SGIP1: variants seen among roughly 807,000 people sequenced by gnomAD.
SGIP1 encodes the protein SH3GL interacting endocytic adaptor 1, also known as SH3-containing GRB2-like protein 3-interacting protein 1.
In SGIP1, 38 loss-of-function variants were observed where a neutral mutation model predicts 107.5. That is an observed-to-expected ratio of 0.35 (90% CI 0.27 to 0.46). The LOEUF (loss-of-function observed/expected upper bound fraction) is 0.46. Among genes scored for constraint, SGIP1 ranks in the 20% least tolerant of loss-of-function variants. SGIP1 has a pLI of 1.00. For synonymous variants in SGIP1, 365 were observed against 366.1 expected (o/e 1.00, Z 0.03); for missense variants, 929 against 1,019.5 (o/e 0.91, Z 1.21).
At chr1:66,591,919 A>G (rs2063702637) in intron 1 of SGIP1, among the ~76,000 whole-genome samples, 1 of 152,216 alleles carries the variant, frequency 6.6e-6, no homozygotes, top group African/African-American at 2.4e-5. Context: ...GACTTTACAC[A>G]AACATTTTAG....
At chr1:66,544,113 C>G (rs1187871691) in intron 1 of SGIP1, among the ~76,000 whole-genome samples, 1 of 152,164 alleles carries the variant, frequency 6.6e-6, no homozygotes, top group African/African-American at 2.4e-5. Context: ...CTCCTGAAGA[C>G]AGGCCTTACA....
intron 1 of SGIP1, among the ~76,000 whole-genome samples, chr1:66,620,429 G>A (rs978340479): frequency 1.3e-5 from 2 of 152,128 alleles, no homozygotes; most frequent in African/African-American, 4.8e-5. Context: ...AAAGAAAGGA[G>A]GTTTAATTGA....
At chr1:66,600,061 A>G (rs2065474717) in intron 1 of SGIP1, among the ~76,000 whole-genome samples, 1 of 152,190 alleles carries the variant, frequency 6.6e-6, no homozygotes, top group South Asian at 2.1e-4. Flanking sequence ...TGTAATGGGT[A>G]TTTAAAACAC....
chr1:66,639,737 A>C (rs1052829841), intron 4 of SGIP1, 40 bp from the exon 5 acceptor site: 31 of 1,500,744 alleles, frequency 2.1e-5, no homozygotes, highest in Non-Finnish European at 2.8e-5. Context: ...GTTTTTATTC[A>C]AATGTTTTCC....
At chr1:66,705,970 T>C (rs1430817794) in intron 18 of SGIP1, among the ~76,000 whole-genome samples, 2 of 152,092 alleles carry the variant, frequency 1.3e-5, no homozygotes, top group African/African-American at 2.4e-5. Context: ...CAAACCACCA[T>C]GGCACATGTT....
At chr1:66,587,895 T>C (rs999686107) in intron 1 of SGIP1, among the ~76,000 whole-genome samples, 3 of 152,262 alleles carry the variant, frequency 2.0e-5, no homozygotes, top group East Asian at 1.9e-4. Context: ...GTACTAAGTC[T>C]TCTCTCAATA....
chr1:66,545,044 A>G (rs1040686023), intron 1 of SGIP1, among the ~76,000 whole-genome samples: 1 of 152,132 alleles, frequency 6.6e-6, no homozygotes, highest in Admixed American at 6.5e-5. Context: ...TTTCCTAAAT[A>G]GCTCTTGACT....
At position 66,589,194 on chromosome 1, in the gene SGIP1, A is replaced by G. The variant is rs369705298; in HGVS notation, c.11-36653A>G. Reference sequence around the variant, plus strand: ...TATATATATATATATATATATATATATATATATATATATATATATATATGT... The same window carrying G: ...TATATATATATATATATATATATATGTATATATATATATATATATATATGT... On this transcript the variant is annotated intron_variant, in intron 1 of 24. Coordinates refer to ENST00000371037, the MANE Select transcript of SGIP1 (RefSeq NM_032291.4). 7.1e-3 allele frequency among the ~76,000 whole-genome samples: 471 copies of G among 66,462 alleles called. 23 individuals are homozygous for G. Among genetic ancestry groups the G allele is most frequent in the African/African-American group, 0.02 (389 of 19,220 alleles). 43.6% of individuals were successfully genotyped at this position (66,462 alleles called of 152,430 possible).
intron 1 of SGIP1, among the ~76,000 whole-genome samples, chr1:66,574,429 AACTCTTTGCCATGTTTTATTC>A (rs2060780814): frequency 6.6e-6 from 1 of 152,112 alleles, no homozygotes; most frequent in South Asian, 2.1e-4. Flanking sequence ...GCTTATCTCC[AACTCTTTGCCATGTTTTATTC>A]ATCACCTAGT....
rs1485870837 is a variant in SGIP1 at position 66,639,800 on chromosome 1, T to A, written c.195T>A (p.Asn65Lys). 6.2e-7 allele frequency: 1 copy of A among 1,612,180 alleles called. No individual in the cohort carries two copies. The highest frequency in any genetic ancestry group is 2.2e-5 in the East Asian group (1 of 44,754). ...KVSKKSNGAP[N>K]GFYAEIDWER... ...AGAAGAAAAGCAATGGGGCACCAAA[T>A]GGATTTTATGCGGAAATTGATTGGG... Residue 65 changes from asparagine to lysine, a missense_variant, in exon 5 of 25, where the codon AAT becomes AAA. Transcript: ENST00000371037.
rs142837790 is a variant in SGIP1 at position 66,730,129 on chromosome 1, G to A, written c.1898+710G>A. Among the ~76,000 whole-genome samples the A allele has an allele frequency of 4.9e-3, 740 of 152,200 alleles. 20 individuals are homozygous for A. The highest frequency in any genetic ancestry group is 0.044 in the Admixed American group (670 of 15,294). ...CTTTTTAAATCAATTGTGTGTGTAG[G>A]TGTGACTGTGCATGTGCATATGCAT... On this transcript the variant is annotated intron_variant, in intron 20 of 24. Coordinates refer to ENST00000371037, the MANE Select transcript of SGIP1 (RefSeq NM_032291.4).
rs1354907628 is a variant in SGIP1 at position 66,750,659 on chromosome 1, C to A, written c.*7564C>A. On this transcript the variant is annotated 3_prime_UTR_variant, in exon 25 of 25. Coordinates refer to ENST00000371037, the MANE Select transcript of SGIP1 (RefSeq NM_032291.4). The stretch of plus-strand genomic sequence containing the variant: ...GTTGATTCCCAGCCTTTTTCCTACA[C>A]GTCTATTTCAAAAGAGTATACTTTT... Among the ~76,000 whole-genome samples, 1 of 152,206 alleles carries A rather than the reference C, an allele frequency of 6.6e-6. No individual in the cohort carries two copies.
chr1:66,679,446 T>C (rs562730356), intron 13 of SGIP1, among the ~76,000 whole-genome samples: 1 of 152,320 alleles, frequency 6.6e-6, no homozygotes, highest in Admixed American at 6.5e-5. Context: ...GTGATATTAT[T>C]ATTACTGTCC....
intron 20 of SGIP1, among the ~76,000 whole-genome samples, chr1:66,730,685 C>T (rs2150585882): frequency 6.6e-6 from 1 of 152,180 alleles, no homozygotes; most frequent in East Asian, 1.9e-4. Flanking sequence ...AGAATCTAAA[C>T]CTGTTACCAT....
intron 1 of SGIP1, among the ~76,000 whole-genome samples, chr1:66,596,770 T>C (rs1277039479): frequency 6.6e-6 from 1 of 151,930 alleles, no homozygotes; most frequent in Non-Finnish European, 1.5e-5. Flanking sequence ...GTGAAGGGTA[T>C]GTGGGGTCTA....
At chr1:66,608,812 C>T (rs17129170) in intron 1 of SGIP1, among the ~76,000 whole-genome samples, 1,904 of 152,278 alleles carry the variant, frequency 0.013, 33 homozygotes, top group African/African-American at 0.044. Flanking sequence ...TGTATGGACT[C>T]GCCATGCCTT....
At chr1:66,731,160 A>T (rs1018328589) in intron 20 of SGIP1, among the ~76,000 whole-genome samples, 1 of 152,136 alleles carries the variant, frequency 6.6e-6, no homozygotes, top group Non-Finnish European at 1.5e-5. Context: ...TTCTTCATTC[A>T]TCCATCTCCC....
intron 4 of SGIP1, among the ~76,000 whole-genome samples, chr1:66,637,455 TTGTGTG>T (rs879668501): frequency 1.5e-3 from 58 of 38,470 alleles, no homozygotes; most frequent in Middle Eastern, 0.014. Context: ...GTGTGTGTGT[TTGTGTG>T]TGTGTGTGTG....
intron 1 of SGIP1, among the ~76,000 whole-genome samples, chr1:66,599,773 G>A (rs1308345776): frequency 1.3e-5 from 2 of 152,174 alleles, no homozygotes; most frequent in Admixed American, 6.5e-5. Context: ...TCCTGTAACC[G>A]AGGAGGCTGT....
Sources: gnomAD v4.1 joint callset for allele counts (sites outside exome capture counted in the v4.1 genomes callset) on GRCh38, gnomAD v4.1.1 for gene constraint, MANE v1.5 for transcripts, NCBI Gene and HGNC (gene_info 2026-07-23, HGNC 2026-07-21) for gene names.